The following LRBA variants were observed in gnomAD, a reference collection of about 807,000 sequenced individuals.
LRBA encodes the protein lipopolysaccharide-responsive and beige-like anchor protein.
In LRBA, 176 loss-of-function variants were observed where a neutral mutation model predicts 330.0. That is an observed-to-expected ratio of 0.53 (90% CI 0.47 to 0.60). The LOEUF (loss-of-function observed/expected upper bound fraction) is 0.60. Ranked by LOEUF, LRBA falls within the 20% of genes least tolerant of loss-of-function variation. LRBA has a pLI of 0.00. For synonymous variants in LRBA, 1,230 were observed against 1,193.0 expected, an observed-to-expected ratio of 1.03 and a Z score of -0.64; for missense variants, 3,259 against 3,444.8, an observed-to-expected ratio of 0.95 and a Z score of 1.35.
intron 48 of LRBA, among the ~76,000 whole-genome samples, chr4:150,336,694 C>T (rs1048101790): frequency 2.0e-5 from 3 of 152,076 alleles, no homozygotes; most frequent in Non-Finnish European, 4.4e-5. Context: ...ACAGATTTTT[C>T]CATTAGTGCC....
chr4:150,987,181 A>C (rs1316604601), intron 2 of LRBA, among the ~76,000 whole-genome samples: 2 of 152,228 alleles, frequency 1.3e-5, no homozygotes, highest in African/African-American at 2.4e-5. Flanking sequence ...CAGTGGTCCC[A>C]ATGATTAAAA....
intron 2 of LRBA, among the ~76,000 whole-genome samples, chr4:150,971,030 A>C (rs1739527118): frequency 6.6e-6 from 1 of 152,170 alleles, no homozygotes; most frequent in Non-Finnish European, 1.5e-5. Context: ...AGTCTACCTG[A>C]TTCCATGCAA....
intron 31 of LRBA, among the ~76,000 whole-genome samples, chr4:150,814,650 G>A (rs1329435504): frequency 1.3e-5 from 2 of 150,680 alleles, no homozygotes; most frequent in Admixed American, 1.3e-4. Context: ...AATGGGGGGG[G>A]CTAAGGAGGG....
chr4:150,464,530 C>A (rs1486096196), intron 44 of LRBA, among the ~76,000 whole-genome samples: 1 of 151,936 alleles, frequency 6.6e-6, no homozygotes, highest in Non-Finnish European at 1.5e-5. Context: ...AATATGATAC[C>A]GAGGTGTAAG....
intron 28 of LRBA, chr4:150,841,004 C>A (rs1395690671): frequency 8.0e-7 from 1 of 1,257,626 alleles, no homozygotes; most frequent in Admixed American, 2.5e-5. Flanking sequence ...GATCCGTGAT[C>A]TGACAAAATC....
At chr4:150,464,072 T>C (rs984938203) in intron 44 of LRBA, among the ~76,000 whole-genome samples, 10 of 151,084 alleles carry the variant, frequency 6.6e-5, no homozygotes, top group Admixed American at 1.3e-4. Context: ...GACTGAATCA[T>C]GAGTCCAGCC....
chr4:150,378,761 A>G (rs1329146611), intron 47 of LRBA, among the ~76,000 whole-genome samples: 2 of 152,260 alleles, frequency 1.3e-5, no homozygotes, highest in Non-Finnish European at 2.9e-5. Flanking sequence ...CCACATGATG[A>G]AAGCAAGAGC....
chr4:150,972,760 G>A (rs1739723224), intron 2 of LRBA, among the ~76,000 whole-genome samples: 1 of 152,150 alleles, frequency 6.6e-6, no homozygotes, highest in Non-Finnish European at 1.5e-5. Flanking sequence ...CAATCAAGTG[G>A]AATATATTAA....
At chr4:150,528,632 G>C (rs982027092) in intron 40 of LRBA, among the ~76,000 whole-genome samples, 3 of 151,998 alleles carry the variant, frequency 2.0e-5, no homozygotes, top group Non-Finnish European at 4.4e-5. Flanking sequence ...AGGCAGTAAG[G>C]TTGTCTTAGG....
rs1730263707 is a variant in LRBA at position 150,897,815 on chromosome 4, C to T, written c.1928G>A (p.Gly643Glu). 6.2e-7 allele frequency: 1 copy of T among 1,608,746 alleles called. No homozygotes were observed. The change falls in exon 15 of 57, where the codon GGA becomes GAA. Residue 643 changes from glycine to glutamate, a missense_variant. Gly to Glu is a moderately conservative substitution (Grantham distance 98). Coordinates refer to ENST00000651943, the MANE Select transcript of LRBA (RefSeq NM_001364905.1). ...CATTTCTTTTTGATTAGGTCGCGGT[C>T]CATCTTTTAAAAAAATATACACATA... ...RSGITPKGLD[G>E]PRPNQKEMLS... is the part of the protein sequence containing the mutation.
intron 36 of LRBA, among the ~76,000 whole-genome samples, chr4:150,726,217 A>G (rs1369586212): frequency 6.6e-6 from 1 of 152,220 alleles, no homozygotes; most frequent in Non-Finnish European, 1.5e-5. Flanking sequence ...AATGAATTAA[A>G]AAACAAGACC....
chr4:150,596,994 A>G (rs1773562812), intron 38 of LRBA: 1 of 631,168 alleles, frequency 1.6e-6, no homozygotes, highest in South Asian at 2.2e-5. Flanking sequence ...AGATTTTTAA[A>G]CATATATTTC....
At chr4:150,839,774 T>C (rs958674657) in intron 28 of LRBA, among the ~76,000 whole-genome samples, 1 of 151,922 alleles carries the variant, frequency 6.6e-6, no homozygotes, top group Non-Finnish European at 1.5e-5. Flanking sequence ...CATTAGAAGA[T>C]ATACCTAATG....
At chr4:150,609,232 T>C (rs1193471288) in intron 37 of LRBA, among the ~76,000 whole-genome samples, 3 of 152,230 alleles carry the variant, frequency 2.0e-5, no homozygotes, top group Non-Finnish European at 4.4e-5. Context: ...GGTTCAGGAA[T>C]CCAGCTTTAA....
In LRBA at chr4:150,852,511, T is replaced by C. The variant is rs754918733; in HGVS notation, c.3199A>G (p.Thr1067Ala). ...AVAISSNSFI[T>A]TGKDSMTVSE... ...ACAGTCATTGAATCTTTGCCAGTTG[T>C]TATAAAAGAATTAGAGGAAATAGCC... The change falls in exon 23 of 57, where the codon ACA becomes GCA. Residue 1067 changes from threonine to alanine, a missense_variant. Transcript: ENST00000651943. The C allele has an allele frequency of 4.3e-6, 7 of 1,613,662 alleles. No individual in the cohort carries two copies. The East Asian group carries it at 1.1e-4, about 26-fold the overall frequency.
At position 150,579,523 on chromosome 4, in the gene LRBA, A is replaced by G. The variant is rs868322886; in HGVS notation, c.6330+8525T>C. 2.8e-5 allele frequency: 11 copies of G among 399,824 alleles called. No individual in the cohort carries two copies. The Middle Eastern group carries it at 3.8e-3, about 139-fold the overall frequency. The allele number at this position is 399,824 out of a possible 1,614,324, so 24.8% of individuals were successfully genotyped here. ...TATTATTTACTAGAGCATCTACCTA[A>G]GACAGGGTAAATTGGTAATGAATTG... On this transcript the variant is annotated intron_variant, in intron 40 of 56. Transcript: ENST00000651943.
At chr4:150,312,763 TTAA>T (rs1003434723) in intron 51 of LRBA, among the ~76,000 whole-genome samples, 5 of 152,088 alleles carry the variant, frequency 3.3e-5, no homozygotes, top group African/African-American at 9.7e-5. Context: ...AAAATAACTC[TTAA>T]TAATAGATCA....
At chr4:150,730,763 A>AT (rs1205173601) in intron 36 of LRBA, among the ~76,000 whole-genome samples, 1 of 151,998 alleles carries the variant, frequency 6.6e-6, no homozygotes, top group Non-Finnish European at 1.5e-5. Context: ...CACACCTGTA[A>AT]TCTCAGCACT....
intron 13 of LRBA, among the ~76,000 whole-genome samples, chr4:150,900,933 G>A (rs13117608): frequency 0.052 from 7,976 of 151,988 alleles, 304 homozygotes; most frequent in Middle Eastern, 0.11. Context: ...TATTAACTTC[G>A]AAATATCTCC....
Sources: allele counts gnomAD v4.1 joint callset (sites outside exome capture counted in the v4.1 genomes callset), GRCh38; gene constraint gnomAD v4.1.1; transcripts MANE v1.5; gene names NCBI Gene and HGNC (gene_info 2026-07-23, HGNC 2026-07-21).